The following SLC24A2 variants were observed in gnomAD, a reference collection of about 807,000 sequenced individuals.
The protein encoded by SLC24A2 is solute carrier family 24 member 2.
Under a neutral mutation model 62.0 loss-of-function variants are expected in SLC24A2, and 36 were observed. The ratio of observed to expected loss-of-function variants is 0.58; its 90% CI spans 0.44 to 0.77. The LOEUF is 0.77. SLC24A2 is among the 30% of genes least tolerant of loss of function. SLC24A2 has a pLI of 0.00. For synonymous variants in SLC24A2, 358 were observed against 294.0 expected (o/e 1.22, Z -2.23); for missense variants, 846 against 817.9 (o/e 1.03, Z -0.42).
At chr9:19,817,594 A>G in the SLC24A2 span, among the ~76,000 whole-genome samples, 1 of 152,060 alleles carries the variant, frequency 6.6e-6, no homozygotes, top group Non-Finnish European at 1.5e-5. Flanking sequence ...AGGCATATAT[A>G]GAACACATCA....
the SLC24A2 span, among the ~76,000 whole-genome samples, chr9:19,801,359 A>T: frequency 6.6e-6 from 1 of 152,230 alleles, no homozygotes. Flanking sequence ...TCGCTGGTTC[A>T]GGAGCACAGC....
At chr9:19,550,420 T>C in intron 7 of SLC24A2, 152 bp from the exon 8 acceptor site, 1 of 753,444 alleles carries the variant, frequency 1.3e-6, no homozygotes, top group Non-Finnish European at 2.2e-6. Flanking sequence ...TTGAGATTTG[T>C]CACAGTCTGA....
chr9:20,088,079 G>A, the SLC24A2 span, among the ~76,000 whole-genome samples: 11 of 152,320 alleles, frequency 7.2e-5, no homozygotes, highest in Non-Finnish European at 1.5e-4. Context: ...TGGAACCACA[G>A]GAGCTTTAGA....
chr9:19,788,501 G>C (rs1051665782), intron 1 of SLC24A2: 28 of 985,238 alleles, frequency 2.8e-5, no homozygotes, highest in Non-Finnish European at 3.3e-5. Context: ...TGGATTAATA[G>C]GAAAATAAAT....
the SLC24A2 span, among the ~76,000 whole-genome samples, chr9:20,037,898 T>C: frequency 1.3e-5 from 2 of 152,166 alleles, no homozygotes; most frequent in Non-Finnish European, 2.9e-5. Flanking sequence ...ATGTCAAAAA[T>C]GCTGAGGTTT....
At chr9:19,555,366 T>C (rs1374163515) in intron 7 of SLC24A2, among the ~76,000 whole-genome samples, 1 of 152,144 alleles carries the variant, frequency 6.6e-6, no homozygotes, top group East Asian at 1.9e-4. Flanking sequence ...ATGTAATCGA[T>C]AAGATTCTTT....
intron 4 of SLC24A2, among the ~76,000 whole-genome samples, chr9:19,603,741 A>G (rs1321913292): frequency 6.6e-6 from 1 of 152,106 alleles, no homozygotes; most frequent in African/African-American, 2.4e-5. Flanking sequence ...TATCTTTCTC[A>G]TCATTATCAA....
chr9:19,543,570 G>C (rs1162594553), intron 8 of SLC24A2, among the ~76,000 whole-genome samples: 1 of 152,032 alleles, frequency 6.6e-6, no homozygotes, highest in African/African-American at 2.4e-5. Flanking sequence ...TGGGCATTTA[G>C]TGCTATAAAT....
the SLC24A2 span, among the ~76,000 whole-genome samples, chr9:20,304,407 A>G: frequency 2.6e-5 from 4 of 152,338 alleles, no homozygotes; most frequent in South Asian, 2.1e-4. Context: ...ATTGTAATAA[A>G]CACATTTTCA....
chr9:20,026,615 G>A, the SLC24A2 span, among the ~76,000 whole-genome samples: 1 of 152,242 alleles, frequency 6.6e-6, no homozygotes, highest in East Asian at 1.9e-4. Context: ...AAAACTGGAT[G>A]TCCACATGCC....
chr9:19,964,759 G>T, the SLC24A2 span, among the ~76,000 whole-genome samples: 1 of 152,214 alleles, frequency 6.6e-6, no homozygotes, highest in East Asian at 1.9e-4. Context: ...TCACTTTGTT[G>T]GCGTGAAGCA....
rs1209063385 is a variant in SLC24A2 at position 19,690,204 on chromosome 9, T to TAC, written c.931-67907_931-67906dup. Among the ~76,000 whole-genome samples, 5 of 152,092 alleles carry TAC rather than the reference T, an allele frequency of 3.3e-5. No individual in the cohort carries two copies. The East Asian group carries it at 5.8e-4, about 18-fold the overall frequency. On this transcript the variant is annotated intron_variant, in intron 2 of 10. Transcript: ENST00000341998. ...ACAAACACACACACACGCGCATGCA[T>TAC]ACACACACACACTTCTCCTATTGGT...
the SLC24A2 span, among the ~76,000 whole-genome samples, chr9:20,214,787 T>C: frequency 6.6e-6 from 1 of 152,190 alleles, no homozygotes. Context: ...AGCATCCTCA[T>C]ATTCCTAGAA....
At chr9:20,267,368 G>T in the SLC24A2 span, among the ~76,000 whole-genome samples, 1 of 152,096 alleles carries the variant, frequency 6.6e-6, no homozygotes, top group African/African-American at 2.4e-5. Flanking sequence ...TGCTTACCCG[G>T]ATCCCCCTGA....
chr9:20,198,685 C>CTCTT, the SLC24A2 span, among the ~76,000 whole-genome samples: 4 of 151,544 alleles, frequency 2.6e-5, no homozygotes, highest in African/African-American at 9.7e-5. Context: ...CTCTCTCTCT[C>CTCTT]CACCCCCACC....
intron 10 of SLC24A2, 116 bp from the exon 11 acceptor site, chr9:19,516,518 G>A: frequency 7.7e-7 from 1 of 1,303,686 alleles, no homozygotes. Context: ...AACTGAAAAG[G>A]GTGTCTTGTT....
chr9:20,233,835 A>G, the SLC24A2 span, among the ~76,000 whole-genome samples: 4 of 152,242 alleles, frequency 2.6e-5, no homozygotes, highest in African/African-American at 9.6e-5. Context: ...TGGTCTTTAC[A>G]ATTTGGCATG....
At chr9:20,180,205 A>T in the SLC24A2 span, among the ~76,000 whole-genome samples, 1 of 152,164 alleles carries the variant, frequency 6.6e-6, no homozygotes, top group Non-Finnish European at 1.5e-5. Flanking sequence ...TTCTTTTTTT[A>T]AAAGTTTTCT....
chr9:19,719,065 CAT>C (rs1820948504), intron 2 of SLC24A2, among the ~76,000 whole-genome samples: 1 of 152,176 alleles, frequency 6.6e-6, no homozygotes, highest in Non-Finnish European at 1.5e-5. Context: ...ACCTCTACTT[CAT>C]ATAATACCAC....
Sources: gnomAD v4.1 joint callset for allele counts (sites outside exome capture counted in the v4.1 genomes callset) on GRCh38, gnomAD v4.1.1 for gene constraint, MANE v1.5 for transcripts, NCBI Gene and HGNC (gene_info 2026-07-23, HGNC 2026-07-21) for gene names.